Variants in OLA1 observed in about 807,000 individuals in gnomAD.
The protein encoded by OLA1 is obg-like ATPase 1.
OLA1 carries 14 observed loss-of-function variants against 48.4 expected under a neutral mutation model. The observed-to-expected ratio is 0.29, with a 90% CI of 0.19 to 0.45. The LOEUF (loss-of-function observed/expected upper bound fraction) is 0.45. OLA1 is among the 20% of genes least tolerant of loss of function. The pLI is 1.00. For synonymous variants in OLA1, 127 were observed against 150.4 expected, an observed-to-expected ratio of 0.84 and a Z score of 1.14; for missense variants, 325 against 467.1, an observed-to-expected ratio of 0.70 and a Z score of 2.80.
At chr2:174,181,614 A>G (rs1687540400) in intron 4 of OLA1, among the ~76,000 whole-genome samples, 1 of 151,710 alleles carries the variant, frequency 6.6e-6, no homozygotes, top group Non-Finnish European at 1.5e-5. Flanking sequence ...AGGGAAAGGT[A>G]GAGTATATGA....
chr2:174,131,554 T>G (rs1395119956), intron 5 of OLA1, among the ~76,000 whole-genome samples: 3 of 152,182 alleles, frequency 2.0e-5, no homozygotes, highest in African/African-American at 4.8e-5. Context: ...CAAAAGCAGA[T>G]GTACTAATTT....
At chr2:174,213,045 A>C (rs1442253763) in intron 4 of OLA1, among the ~76,000 whole-genome samples, 1 of 152,242 alleles carries the variant, frequency 6.6e-6, no homozygotes, top group Non-Finnish European at 1.5e-5. Flanking sequence ...ATTGGTGACC[A>C]GAACTCAGGA....
intron 7 of OLA1, among the ~76,000 whole-genome samples, chr2:174,085,903 C>T (rs1320424805): frequency 6.6e-6 from 1 of 152,184 alleles, no homozygotes; most frequent in Non-Finnish European, 1.5e-5. Context: ...AGTTTCTTAA[C>T]TCCCCTCTCA....
At chr2:174,131,944 G>A (rs1028289454) in intron 5 of OLA1, among the ~76,000 whole-genome samples, 5 of 151,988 alleles carry the variant, frequency 3.3e-5, no homozygotes, top group African/African-American at 1.2e-4. Context: ...TCTACTGTAT[G>A]GAAGAGTGTG....
chr2:174,243,965 A>G (rs940750648), intron 2 of OLA1, among the ~76,000 whole-genome samples: 4 of 152,150 alleles, frequency 2.6e-5, no homozygotes, highest in African/African-American at 7.2e-5. Context: ...ACAGAAGCAC[A>G]CAAGTCCGGT....
chr2:174,120,183 C>T (rs1685881867), intron 7 of OLA1, among the ~76,000 whole-genome samples: 1 of 152,046 alleles, frequency 6.6e-6, no homozygotes, highest in African/African-American at 2.4e-5. Context: ...GCATATTCTA[C>T]TAACAGAGCA....
At chr2:174,105,405 T>C (rs376490532) in intron 7 of OLA1, among the ~76,000 whole-genome samples, 2 of 152,116 alleles carry the variant, frequency 1.3e-5, no homozygotes, top group East Asian at 3.9e-4. Context: ...GAATTTTGAG[T>C]TCTGTGTTTT....
At chr2:174,143,549 G>GT (rs1404480089) in intron 4 of OLA1, among the ~76,000 whole-genome samples, 1 of 152,164 alleles carries the variant, frequency 6.6e-6, no homozygotes, top group Non-Finnish European at 1.5e-5. Flanking sequence ...CTATATAGTT[G>GT]TCTCTATGTA....
At chr2:174,200,794 A>G (rs889793634) in intron 4 of OLA1, among the ~76,000 whole-genome samples, 1 of 152,176 alleles carries the variant, frequency 6.6e-6, no homozygotes, top group Non-Finnish European at 1.5e-5. Flanking sequence ...TCCAAGGAGT[A>G]AGGGGAGGAG....
At chr2:174,144,951 A>AATATATATATATAT (rs71021672) in intron 4 of OLA1, among the ~76,000 whole-genome samples, 27 of 40,282 alleles carry the variant, frequency 6.7e-4, no homozygotes, top group East Asian at 3.9e-3. Flanking sequence ...AAAAAAAAAA[A>AATATATATATATAT]ATATATATAT....
intron 7 of OLA1, among the ~76,000 whole-genome samples, chr2:174,083,636 T>C (rs1024739517): frequency 6.6e-6 from 1 of 152,132 alleles, no homozygotes; most frequent in African/African-American, 2.4e-5. Context: ...TCCGTTAACA[T>C]TATGGTATTC....
intron 4 of OLA1, among the ~76,000 whole-genome samples, chr2:174,193,091 C>CTTTTTT (rs34103927): frequency 2.2e-5 from 3 of 137,932 alleles, no homozygotes; most frequent in Non-Finnish European, 3.1e-5. Context: ...TTCTTTCTTT[C>CTTTTTT]TTTTTTTTTT....
At chr2:174,202,158 AAAAT>A (rs1357792070) in intron 4 of OLA1, among the ~76,000 whole-genome samples, 1 of 152,232 alleles carries the variant, frequency 6.6e-6, no homozygotes, top group Non-Finnish European at 1.5e-5. Context: ...CTACTAACAT[AAAAT>A]ATATATAAAT....
chr2:174,144,930 TAAAAA>T (rs71021671), intron 4 of OLA1, among the ~76,000 whole-genome samples: 3,016 of 40,506 alleles, frequency 0.074, 98 homozygotes, highest in Middle Eastern at 0.11. Flanking sequence ...AGACCCTGTT[TAAAAA>T]AAAAAAAAAA....
chr2:174,207,937 G>A (rs1688153754), intron 4 of OLA1, among the ~76,000 whole-genome samples: 1 of 152,122 alleles, frequency 6.6e-6, no homozygotes. Flanking sequence ...TACAGTATTG[G>A]CCCAATGCAA....
rs1343411286 is a variant in OLA1 at position 174,074,015 on chromosome 2, C to T, written c.*1411G>A. The T allele has an allele frequency of 6.6e-6, 1 of 152,170 alleles. No individual in the cohort carries two copies. The highest frequency in any genetic ancestry group is 1.5e-5 in the Non-Finnish European group (1 of 68,014). 9.4% of individuals were successfully genotyped at this position (152,170 alleles called of 1,614,324 possible). A position where few individuals can be genotyped will look rare whatever the true frequency, so the allele number is the denominator to read the frequency against. ...CTCACTGGAGAGCTTCTAAATTATA[C>T]TCACGACTCAACCTCATCCTCTTTA... On this transcript the variant is annotated 3_prime_UTR_variant, in exon 11 of 11. Coordinates refer to ENST00000284719, the MANE Select transcript of OLA1 (RefSeq NM_013341.5).
intron 4 of OLA1, among the ~76,000 whole-genome samples, chr2:174,174,035 C>CAAAAAAAAAAAAAAAAAAAAAAAAA (rs112671944): frequency 1.5e-5 from 2 of 135,602 alleles, no homozygotes; most frequent in Non-Finnish European, 1.6e-5. Context: ...CACACACACA[C>CAAAAAAAAAAAAAAAAAAAAAAAAA]AAAAAAAAAA....
At chr2:174,232,441 T>C (rs758662536) in intron 2 of OLA1, among the ~76,000 whole-genome samples, 4 of 152,006 alleles carry the variant, frequency 2.6e-5, no homozygotes, top group Admixed American at 6.6e-5. Context: ...CAGAAATAAA[T>C]GCCAATCCAT....
rs1484980986 is a variant in OLA1 at position 174,187,678 on chromosome 2, C to A, written c.373+35355G>T. Among the ~76,000 whole-genome samples the A allele has an allele frequency of 2.0e-5, 3 of 152,224 alleles. No individual in the cohort carries two copies. In the East Asian group the frequency reaches 5.8e-4, roughly 29 times the overall value. Reference sequence around the variant, plus strand: ...TGCCATGTACTTTCCTCCGATGTGACTTCTTTAACTAAGTCATGTGATCAG... The same window carrying A: ...TGCCATGTACTTTCCTCCGATGTGAATTCTTTAACTAAGTCATGTGATCAG... On this transcript the variant is annotated intron_variant, in intron 4 of 10. Coordinates refer to ENST00000284719, the MANE Select transcript of OLA1 (RefSeq NM_013341.5).
Sources: gnomAD v4.1 joint callset for allele counts (sites outside exome capture counted in the v4.1 genomes callset) on GRCh38, gnomAD v4.1.1 for gene constraint, MANE v1.5 for transcripts, NCBI Gene and HGNC (gene_info 2026-07-23, HGNC 2026-07-21) for gene names.